Variants in CCDC12 observed in about 807,000 individuals in gnomAD.
The protein encoded by CCDC12 is coiled-coil domain containing 12.
CCDC12 carries 28 observed loss-of-function variants against 25.7 expected under a neutral mutation model. The ratio of observed to expected loss-of-function variants is 1.09; its 90% CI spans 0.81 to 1.50. The LOEUF is 1.50. Ranked by LOEUF, CCDC12 falls within the 40% of genes most tolerant of loss-of-function variation. The pLI is 0.00. For synonymous variants in CCDC12, 75 were observed against 87.7 expected (o/e 0.86, Z 0.81); for missense variants, 198 against 210.0 (o/e 0.94, Z 0.35).
intron 2 of CCDC12, among the ~76,000 whole-genome samples, chr3:46,936,884 G>C (rs1160357345): frequency 6.6e-6 from 1 of 152,210 alleles, no homozygotes; most frequent in African/African-American, 2.4e-5. Flanking sequence ...CAGGCAGCAG[G>C]CCCTGGGGTC....
chr3:46,966,665 C>T (rs567997489), intron 1 of CCDC12, among the ~76,000 whole-genome samples: 17 of 152,296 alleles, frequency 1.1e-4, no homozygotes, highest in Non-Finnish European at 2.2e-4. Flanking sequence ...GGCACTGCCT[C>T]AGACTGGCGC....
intron 2 of CCDC12, among the ~76,000 whole-genome samples, chr3:46,937,015 C>T (rs1038491259): frequency 5.3e-5 from 8 of 152,204 alleles, no homozygotes; most frequent in African/African-American, 1.7e-4. Flanking sequence ...GCGCCCCCTC[C>T]ATCTCTCTGT....
intron 2 of CCDC12, among the ~76,000 whole-genome samples, chr3:46,938,750 A>T (rs2033567331): frequency 6.6e-6 from 1 of 151,678 alleles, no homozygotes; most frequent in Non-Finnish European, 1.5e-5. Context: ...TGGGAGGCTG[A>T]GGTGGGAAGA....
At chr3:46,969,010 C>T (rs927364765) in intron 1 of CCDC12, among the ~76,000 whole-genome samples, 7 of 152,218 alleles carry the variant, frequency 4.6e-5, no homozygotes, top group African/African-American at 1.7e-4. Context: ...CGGCAGTGAT[C>T]GCCTTGGCTG....
chr3:46,928,670 A>T (rs2107111236), intron 2 of CCDC12, among the ~76,000 whole-genome samples: 1 of 152,374 alleles, frequency 6.6e-6, no homozygotes, highest in South Asian at 2.1e-4. Context: ...CAAAATTCTA[A>T]ATCTAGTTAA....
At chr3:46,970,757 C>T (rs1252117697) in intron 1 of CCDC12, among the ~76,000 whole-genome samples, 2 of 152,162 alleles carry the variant, frequency 1.3e-5, no homozygotes, top group Non-Finnish European at 2.9e-5. Context: ...CATTTGGCTG[C>T]TGAAGAAGAA....
At chr3:46,953,002 A>T (rs909613719) in intron 1 of CCDC12, among the ~76,000 whole-genome samples, 1 of 152,108 alleles carries the variant, frequency 6.6e-6, no homozygotes, top group Non-Finnish European at 1.5e-5. Context: ...AATGGTTTCA[A>T]GTGTGTCTAG....
At chr3:46,963,504 C>G (rs1402278903) in intron 1 of CCDC12, among the ~76,000 whole-genome samples, 1 of 152,182 alleles carries the variant, frequency 6.6e-6, no homozygotes, top group Non-Finnish European at 1.5e-5. Context: ...CTCTGATGCC[C>G]AGCCGAAGCT....
At chr3:46,952,027 C>A (rs2034147788) in intron 1 of CCDC12, among the ~76,000 whole-genome samples, 1 of 151,324 alleles carries the variant, frequency 6.6e-6, no homozygotes, top group South Asian at 2.1e-4. Flanking sequence ...ACTTTTAGCA[C>A]AAAGGTGTTC....
intron 2 of CCDC12, among the ~76,000 whole-genome samples, chr3:46,934,073 C>A (rs2033344359): frequency 6.6e-6 from 1 of 152,176 alleles, no homozygotes; most frequent in Non-Finnish European, 1.5e-5. Context: ...GCGTGAGCCA[C>A]AGCACCCGGT....
chr3:46,931,555 C>T (rs1004720547), intron 2 of CCDC12, among the ~76,000 whole-genome samples: 1 of 152,156 alleles, frequency 6.6e-6, no homozygotes, highest in African/African-American at 2.4e-5. Flanking sequence ...GCTAGCCTCC[C>T]TTCTCATCCC....
At chr3:46,939,587 T>C (rs1482320724) in intron 2 of CCDC12, among the ~76,000 whole-genome samples, 1 of 152,182 alleles carries the variant, frequency 6.6e-6, no homozygotes, top group Non-Finnish European at 1.5e-5. Context: ...GGCCTTCATC[T>C]TCCCATCACC....
rs2032705958 is a variant in CCDC12 at position 46,922,125 on chromosome 3, C to T, written c.433G>A (p.Gly145Ser). 1.9e-6 allele frequency: 3 copies of T among 1,614,164 alleles called. No individual in the cohort carries two copies. The highest frequency in any genetic ancestry group is 2.5e-6 in the Non-Finnish European group (3 of 1,180,060). The change falls in exon 7 of 7, where the codon GGC becomes AGC. Residue 145 changes from glycine to serine, a missense_variant. Coordinates refer to ENST00000683445, the MANE Select transcript of CCDC12 (RefSeq NM_001277074.2). Reference sequence around the variant, plus strand: ...GCAGAGGCTAGGCTGTCTTCCTGGCCTTTCAGCCTTTCACCTGGGATGGAT... The same window carrying T: ...GCAGAGGCTAGGCTGTCTTCCTGGCTTTTCAGCCTTTCACCTGGGATGGAT... ...IAELIRERLK[G>S]QEDSLASAVD...
intron 1 of CCDC12, among the ~76,000 whole-genome samples, chr3:46,974,011 C>T (rs2034890117): frequency 6.6e-6 from 1 of 152,124 alleles, no homozygotes; most frequent in Non-Finnish European, 1.5e-5. Context: ...TATTATTCAG[C>T]CTTTAAAAAA....
At chr3:46,945,806 C>T (rs1001733542) in intron 1 of CCDC12, among the ~76,000 whole-genome samples, 1 of 152,212 alleles carries the variant, frequency 6.6e-6, no homozygotes, top group Non-Finnish European at 1.5e-5. Context: ...ATATTGTTCT[C>T]TTAATAGCCT....
intron 1 of CCDC12, among the ~76,000 whole-genome samples, chr3:46,956,024 AAGAT>A (rs2034279208): frequency 6.6e-6 from 1 of 152,260 alleles, no homozygotes; most frequent in Non-Finnish European, 1.5e-5. Flanking sequence ...GGGCTAATAA[AAGAT>A]AGGCCCACAT....
chr3:46,942,335 A>T (rs1455170284), intron 1 of CCDC12, among the ~76,000 whole-genome samples: 1 of 152,262 alleles, frequency 6.6e-6, no homozygotes, highest in East Asian at 1.9e-4. Context: ...TTGGCACTCC[A>T]GAAGGTGACA....
At chr3:46,931,484 G>A (rs1465840566) in intron 2 of CCDC12, among the ~76,000 whole-genome samples, 1 of 152,200 alleles carries the variant, frequency 6.6e-6, no homozygotes, top group African/African-American at 2.4e-5. Context: ...ACTGCTCATG[G>A]GGGTTTCATG....
At chr3:46,956,089 A>C (rs1417216157) in intron 1 of CCDC12, among the ~76,000 whole-genome samples, 2 of 152,242 alleles carry the variant, frequency 1.3e-5, no homozygotes, top group Non-Finnish European at 2.9e-5. Context: ...CTCTCAAATA[A>C]ACAGCCCTAA....
Sources: allele counts gnomAD v4.1 joint callset (sites outside exome capture counted in the v4.1 genomes callset), GRCh38; gene constraint gnomAD v4.1.1; transcripts MANE v1.5; gene names NCBI Gene and HGNC (gene_info 2026-07-23, HGNC 2026-07-21).